The following NDUFS1 variants were observed in gnomAD, a reference collection of about 807,000 sequenced individuals.
The protein encoded by NDUFS1 is NADH-ubiquinone oxidoreductase 75 kDa subunit, mitochondrial.
NDUFS1 carries 61 observed loss-of-function variants against 84.4 expected under a neutral mutation model. The ratio of observed to expected loss-of-function variants is 0.72; its 90% CI spans 0.59 to 0.89. NDUFS1 has a LOEUF of 0.89. Among genes scored for constraint, NDUFS1 ranks in the 40% least tolerant of loss-of-function variants. The pLI is 0.00. For missense variants in NDUFS1, 891 were observed against 890.0 expected, an observed-to-expected ratio of 1.00 and a Z score of -0.01; for synonymous variants, 275 against 290.0, an observed-to-expected ratio of 0.95 and a Z score of 0.53.
intron 13 of NDUFS1, among the ~76,000 whole-genome samples, chr2:206,135,022 GT>G (rs112074918): frequency 6.7e-6 from 1 of 150,296 alleles, no homozygotes; most frequent in East Asian, 2.0e-4. Flanking sequence ...GTCAAGAGTT[GT>G]TTTTTTTTCT....
At chr2:206,153,489 C>T (rs964579315) in intron 2 of NDUFS1, 129 bp downstream of exon 2, 1 of 631,550 alleles carries the variant, frequency 1.6e-6, no homozygotes, top group East Asian at 3.0e-5. Context: ...AGCCACCACA[C>T]CCGGCCGGTT....
intron 4 of NDUFS1, among the ~76,000 whole-genome samples, chr2:206,149,549 T>C (rs1692288288): frequency 6.6e-6 from 1 of 152,202 alleles, no homozygotes; most frequent in Non-Finnish European, 1.5e-5. Context: ...TTATATATTA[T>C]ACAGCCATTT....
intron 3 of NDUFS1, 23 bp from the exon 4 acceptor site, chr2:206,149,948 A>T: frequency 6.6e-7 from 1 of 1,505,136 alleles, no homozygotes; most frequent in Non-Finnish European, 9.2e-7. Flanking sequence ...AAAAAAAAAA[A>T]AAAAAAAAAA....
intron 3 of NDUFS1, among the ~76,000 whole-genome samples, chr2:206,150,634 G>C (rs1480552888): frequency 6.6e-6 from 1 of 152,212 alleles, no homozygotes; most frequent in African/African-American, 2.4e-5. Flanking sequence ...GAAAAAGACA[G>C]ATAGTGTCCC....
At chr2:206,143,046 C>T (rs931274271) in intron 10 of NDUFS1, among the ~76,000 whole-genome samples, 1 of 152,168 alleles carries the variant, frequency 6.6e-6, no homozygotes, top group Non-Finnish European at 1.5e-5. Flanking sequence ...GCAGTCAGGA[C>T]TTTAAGACCA....
At chr2:206,128,888 T>C (rs546266636) in intron 15 of NDUFS1, among the ~76,000 whole-genome samples, 2 of 152,132 alleles carry the variant, frequency 1.3e-5, no homozygotes, top group Non-Finnish European at 2.9e-5. Context: ...GCCAAGTAAG[T>C]ATACTGATGC....
chr2:206,153,545 C>A, intron 2 of NDUFS1, 73 bp downstream of exon 2: 3 of 899,560 alleles, frequency 3.3e-6, no homozygotes, highest in Non-Finnish European at 5.4e-6. Flanking sequence ...CTTTGATAAA[C>A]TATGCCATAG....
chr2:206,153,459 G>C (rs1008852098), intron 2 of NDUFS1, among the ~76,000 whole-genome samples, 159 bp downstream of exon 2: 42 of 152,000 alleles, frequency 2.8e-4, no homozygotes, highest in Non-Finnish European at 1.6e-4. Context: ...GCCTCTCAAA[G>C]TGCTAGGATT....
At chr2:206,149,155 C>T (rs1692275237) in intron 4 of NDUFS1, 59 bp from the exon 5 acceptor site, 4 of 1,224,474 alleles carry the variant, frequency 3.3e-6, no homozygotes, top group Non-Finnish European at 4.8e-6. Context: ...TTACAAGCAA[C>T]TCAATATATA....
chr2:206,137,247 G>A (rs1411964311), intron 13 of NDUFS1, among the ~76,000 whole-genome samples: 3 of 152,114 alleles, frequency 2.0e-5, no homozygotes, highest in East Asian at 3.9e-4. Flanking sequence ...AGGCCAAGGC[G>A]AGTGGACCAC....
intron 2 of NDUFS1, among the ~76,000 whole-genome samples, chr2:206,153,320 T>C (rs1291473566): frequency 6.6e-6 from 1 of 151,834 alleles, no homozygotes; most frequent in Non-Finnish European, 1.5e-5. Context: ...CTCAGCCTCC[T>C]GTGTAGCTGG....
chr2:206,159,099 C>A, intron 1 of NDUFS1: 4 of 1,535,726 alleles, frequency 2.6e-6, no homozygotes, highest in Non-Finnish European at 2.6e-6. Context: ...AGCCTACATT[C>A]GTGACAGCGT....
chr2:206,129,885 C>A lies in NDUFS1; in HGVS notation c.1708+203G>T, dbSNP rs192132213. ...GGGATTACAGGTGTGAGCCACCGCACCCGGCAGGTAATAATTCTTAAAAGC... is the reference window on the plus strand; with the variant it reads ...GGGATTACAGGTGTGAGCCACCGCAACCGGCAGGTAATAATTCTTAAAAGC... On this transcript the variant is annotated intron_variant, in intron 15 of 18. Coordinates refer to ENST00000233190, the MANE Select transcript of NDUFS1 (RefSeq NM_005006.7). Among the ~76,000 whole-genome samples the A allele has an allele frequency of 9.9e-5, 15 of 152,150 alleles. No homozygotes were observed. In the East Asian group the frequency reaches 2.5e-3, roughly 25 times the overall value.
At chr2:206,146,780 C>T (rs759673694) in intron 8 of NDUFS1, 123 bp downstream of exon 8, 11 of 894,644 alleles carry the variant, frequency 1.2e-5, no homozygotes, top group Non-Finnish European at 1.7e-5. Flanking sequence ...AAGGGTTTTA[C>T]ATAAACAAAC....
At position 206,124,261 on chromosome 2, in the gene NDUFS1, G is replaced by A; in HGVS notation, c.2108C>T (p.Ala703Val). 3 of 1,611,486 alleles carry A rather than the reference G, an allele frequency of 1.9e-6. No individual in the cohort carries two copies. The highest frequency in any genetic ancestry group is 2.5e-6 in the Non-Finnish European group (3 of 1,177,604). ...DFYMTDSISR[A>V]SQTMAKCVKA... ...GACACATTTGGCCATTGTCTGTGAG[G>A]CTCTGCTAATTGAATCTGAAAGATA... The change falls in exon 19 of 19, where the codon GCC becomes GTC. Residue 703 changes from alanine (A) to valine (V), a missense_variant. Coordinates refer to ENST00000233190, the MANE Select transcript of NDUFS1 (RefSeq NM_005006.7).
rs1157426814 is a variant in NDUFS1 at position 206,118,434 on chromosome 2, T to C, written c.*5751A>G. Reference sequence around the variant, plus strand: ...TGAACTCAGGAGTTTAAGACCAGCCTGGGTAACATGGCGAAACCTCGTCTC... The same window carrying C: ...TGAACTCAGGAGTTTAAGACCAGCCCGGGTAACATGGCGAAACCTCGTCTC... On this transcript the variant is annotated 3_prime_UTR_variant, in exon 19 of 19. Transcript: ENST00000233190. The C allele has an allele frequency of 1.3e-5, 2 of 152,084 alleles. No homozygotes were observed. The highest frequency in any genetic ancestry group is 2.9e-5 in the Non-Finnish European group (2 of 68,076). The allele number at this position is 152,084 out of a possible 1,614,324, so 9.4% of individuals were successfully genotyped here.
intron 14 of NDUFS1, among the ~76,000 whole-genome samples, chr2:206,131,521 G>A (rs776144349): frequency 5.9e-5 from 9 of 152,180 alleles, no homozygotes; most frequent in Non-Finnish European, 1.2e-4. Context: ...TTACACAGCT[G>A]TGAGGTGAAG....
At position 206,130,133 on chromosome 2, in the gene NDUFS1, T is replaced by C. The variant is rs200131601; in HGVS notation, c.1663A>G (p.Ile555Val). The change falls in exon 15 of 19, where the codon ATC (isoleucine) becomes GTC (valine). Residue 555 changes from isoleucine (I) to valine (V), a missense_variant. Physicochemically the swap from Ile to Val is conservative, Grantham distance 29 (BLOSUM62 3). Transcript: ENST00000233190. The stretch of plus-strand genomic sequence containing the variant: ...TCCTTTGGCAAATCCTGTCGTGTGA[T>C]ACAACCTCCATCTGCTCCCAGGAGA... ...LFLLGADGGC[I>V]TRQDLPKDCF... 3 of 1,614,234 alleles carry C rather than the reference T, an allele frequency of 1.9e-6. No homozygotes were observed. Among genetic ancestry groups the C allele is most frequent in the East Asian group, 4.5e-5 (2 of 44,882 alleles).
At chr2:206,136,675 C>CGTG (rs1691729285) in intron 13 of NDUFS1, among the ~76,000 whole-genome samples, 1 of 151,926 alleles carries the variant, frequency 6.6e-6, no homozygotes, top group African/African-American at 2.4e-5. Flanking sequence ...CTCAGGTGAT[C>CGTG]CATACACCTT....
Sources: allele counts gnomAD v4.1 joint callset (sites outside exome capture counted in the v4.1 genomes callset), GRCh38; gene constraint gnomAD v4.1.1; transcripts MANE v1.5; gene names NCBI Gene and HGNC (gene_info 2026-07-23, HGNC 2026-07-21).